Variants in ELFN2 observed in about 807,000 individuals in gnomAD.
ELFN2 encodes the protein extracellular leucine rich repeat and fibronectin type III domain containing 2, also known as protein phosphatase 1 regulatory subunit 29.
A neutral mutation model predicts 45.5 loss-of-function variants in ELFN2; 17 were observed. That is an observed-to-expected ratio of 0.37 (90% CI 0.26 to 0.56). The LOEUF is 0.56. ELFN2 is among the 20% of genes least tolerant of loss of function. The pLI is 0.77. For synonymous variants in ELFN2, 550 were observed against 551.5 expected, an observed-to-expected ratio of 1.00 and a Z score of 0.04; for missense variants, 922 against 1,183.2, an observed-to-expected ratio of 0.78 and a Z score of 3.24.
intron 2 of ELFN2, among the ~76,000 whole-genome samples, chr22:37,402,311 C>T (rs1032857191): frequency 1.2e-4 from 19 of 152,232 alleles, no homozygotes; most frequent in Admixed American, 5.2e-4. Flanking sequence ...GCCTGTGGTT[C>T]GGTTTTGTTG....
At position 37,394,421 on chromosome 22, in the gene ELFN2, G is replaced by T. The variant is rs969461119; in HGVS notation, c.-462-18425C>A. Reference sequence around the variant, plus strand: ...CACAGTTCCCAGGCTAAAGCCAGACGTCCTCCTGAAGGTCAAGGCCCCTCA... The same window carrying T: ...CACAGTTCCCAGGCTAAAGCCAGACTTCCTCCTGAAGGTCAAGGCCCCTCA... On this transcript the variant is annotated intron_variant, in intron 2 of 2. Coordinates refer to ENST00000402918, the MANE Select transcript of ELFN2 (RefSeq NM_052906.5). Among the ~76,000 whole-genome samples the T allele has an allele frequency of 1.3e-5, 2 of 152,244 alleles. 1 individual carries two copies. The highest frequency in any genetic ancestry group is 4.1e-4 in the South Asian group (2 of 4,822).
At chr22:37,341,083 A>T (rs1003338632) in intron 2 of ELFN2, 4 of 152,412 alleles carry the variant, frequency 2.6e-5, no homozygotes, top group African/African-American at 9.7e-5. Flanking sequence ...AGAGGGAGAG[A>T]CAGCAAGTGA....
intron 2 of ELFN2, among the ~76,000 whole-genome samples, chr22:37,378,682 G>C (rs1381116547): frequency 6.6e-6 from 1 of 152,216 alleles, no homozygotes. Context: ...GCCCAGCTCC[G>C]ACCCACCCCC....
chr22:37,381,984 A>G (rs1483792564), intron 2 of ELFN2, among the ~76,000 whole-genome samples: 1 of 140,780 alleles, frequency 7.1e-6, no homozygotes, highest in Non-Finnish European at 1.5e-5. Context: ...AAAAAAAAAA[A>G]AAAAAAAGAA....
intron 2 of ELFN2, among the ~76,000 whole-genome samples, chr22:37,391,673 G>A (rs866177954): frequency 2.0e-5 from 3 of 152,162 alleles, no homozygotes; most frequent in South Asian, 4.1e-4. Flanking sequence ...GGGACTCCCC[G>A]AAGGCCAGGC....
rs1726723127 is a variant in ELFN2 at position 37,373,039 on chromosome 22, TG to T, written c.*32del. 2.6e-6 allele frequency: 4 copies of T among 1,551,172 alleles called. No individual in the cohort carries two copies. Among genetic ancestry groups the T allele is most frequent in the Non-Finnish European group, 3.5e-6 (4 of 1,146,298 alleles). ...TTCCCCCAAAAGGCCCCCAGCCCTC[TG>T]GCTCCGACCTCACCAGGGAGGAAGG... On this transcript the variant is annotated 3_prime_UTR_variant, in exon 3 of 3. Transcript: ENST00000402918.
At chr22:37,354,170 T>C (rs2145616268) in intron 1 of ELFN2, 1 of 152,328 alleles carries the variant, frequency 6.6e-6, no homozygotes, top group South Asian at 2.1e-4. Context: ...ATTCGGTTCA[T>C]GTGGAGCCCA....
At chr22:37,414,990 G>C (rs184273946) in intron 2 of ELFN2, among the ~76,000 whole-genome samples, 148 of 152,356 alleles carry the variant, frequency 9.7e-4, no homozygotes, top group African/African-American at 3.3e-3. Context: ...CTCTGGCAAG[G>C]TGAAGTAGGG....
Position 37,374,249 on chromosome 22 carries a change from T to A in ELFN2, c.1286A>T (p.Gln429Leu). 6.2e-7 allele frequency: 1 copy of A among 1,613,990 alleles called. No homozygotes were observed. The highest frequency in any genetic ancestry group is 8.5e-7 in the Non-Finnish European group (1 of 1,180,034). ...GGTCTTCTTGACGTTGACAGACTTC[T>A]GCTTCTCCTCCTGCATGCGCCGCTT... ...LRKRRMQEEK[Q>L]KSVNVKKTIL... The change falls in exon 3 of 3, where the codon CAG becomes CTG. Residue 429 changes from glutamine to leucine, a missense_variant. Gln to Leu is a moderately radical substitution (Grantham distance 113). Around this residue, in one of 2 missense-constraint regions of ELFN2, gnomAD observed 564 missense variants for 642.8 expected, o/e 0.88. Coordinates refer to ENST00000402918, the MANE Select transcript of ELFN2 (RefSeq NM_052906.5).
intron 1 of ELFN2, among the ~76,000 whole-genome samples, chr22:37,352,717 T>C (rs949727734): frequency 2.0e-5 from 3 of 150,672 alleles, no homozygotes; most frequent in African/African-American, 7.3e-5. Context: ...CCAGTGTGGC[T>C]GGGGCAGGAA....
At chr22:37,410,880 A>G (rs6000724) in intron 2 of ELFN2, among the ~76,000 whole-genome samples, 37,487 of 152,106 alleles carry the variant, frequency 0.25, 7,705 homozygotes, top group African/African-American at 0.57. Context: ...GAGGGGCCAC[A>G]GGGGCAGACA....
chr22:37,401,448 G>C (rs1236232011), intron 2 of ELFN2, among the ~76,000 whole-genome samples: 1 of 152,208 alleles, frequency 6.6e-6, no homozygotes, highest in African/African-American at 2.4e-5. Flanking sequence ...GCTTGGAACA[G>C]TTTCTAGAAC....
chr22:37,407,190 C>T (rs1932526910), intron 2 of ELFN2, among the ~76,000 whole-genome samples: 1 of 152,080 alleles, frequency 6.6e-6, no homozygotes, highest in South Asian at 2.1e-4. Context: ...GGGCTCGGGA[C>T]TGGGAGCCAG....
chr22:37,394,933 T>C (rs138148207), intron 2 of ELFN2, among the ~76,000 whole-genome samples: 3,778 of 151,552 alleles, frequency 0.025, 174 homozygotes, highest in African/African-American at 0.086. Context: ...CGAAACCCCG[T>C]CTCTACTAAA....
At chr22:37,425,427 G>A (rs150368072) in intron 1 of ELFN2, among the ~76,000 whole-genome samples, 7 of 152,266 alleles carry the variant, frequency 4.6e-5, no homozygotes, top group Non-Finnish European at 8.8e-5. Flanking sequence ...ACCACGCCAC[G>A]CGTCCTAAGG....
chr22:37,416,260 G>A (rs1027938356), intron 2 of ELFN2, among the ~76,000 whole-genome samples: 6 of 152,172 alleles, frequency 3.9e-5, no homozygotes, highest in Non-Finnish European at 7.4e-5. Flanking sequence ...AGGACTCAAC[G>A]GTGTCAGAGA....
intron 1 of ELFN2, among the ~76,000 whole-genome samples, chr22:37,355,740 C>T (rs1930933781): frequency 6.6e-6 from 1 of 152,190 alleles, no homozygotes; most frequent in African/African-American, 2.4e-5. Context: ...GGGAGCCTCT[C>T]CACTCACACC....
At position 37,410,633 on chromosome 22, in the gene ELFN2, C is replaced by T. The variant is rs546627786; in HGVS notation, c.-463+7136G>A. On this transcript the variant is annotated intron_variant, in intron 2 of 2. Transcript: ENST00000402918. Reference sequence around the variant, plus strand: ...AGCATCAAATTGGAGAGGGACGAGCCGGGCACTGACCGGAAACCGCAGGCG... The same window carrying T: ...AGCATCAAATTGGAGAGGGACGAGCTGGGCACTGACCGGAAACCGCAGGCG... Among the ~76,000 whole-genome samples the T allele has an allele frequency of 3.2e-4, 48 of 152,300 alleles. 2 individuals are homozygous for T. Among genetic ancestry groups the T allele is most frequent in the South Asian group, 2.7e-3 (13 of 4,826 alleles).
intron 1 of ELFN2, among the ~76,000 whole-genome samples, chr22:37,352,005 G>A (rs1171721594): frequency 2.0e-5 from 3 of 150,626 alleles, no homozygotes; most frequent in African/African-American, 4.8e-5. Context: ...CCCAGGACTC[G>A]TGGGCATTCA....
Sources: gnomAD v4.1 joint callset for allele counts (sites outside exome capture counted in the v4.1 genomes callset) on GRCh38, gnomAD v4.1.1 for gene constraint, gnomAD v4.1.1 regional missense constraint, MANE v1.5 for transcripts, NCBI Gene and HGNC (gene_info 2026-07-23, HGNC 2026-07-21) for gene names.